ALG12: variants seen among roughly 807,000 people sequenced by gnomAD.
ALG12 encodes the protein ALG12 alpha-1,6-mannosyltransferase.
ALG12 carries 36 observed loss-of-function variants against 46.0 expected under a neutral mutation model. The observed-to-expected ratio is 0.78, with a 90% CI of 0.60 to 1.03. ALG12 has a LOEUF of 1.03. Ranked by LOEUF, ALG12 falls within the 50% of genes least tolerant of loss-of-function variation. The probability of loss-of-function intolerance (pLI) is 0.00; values close to 1 mark genes in which losing one functional copy is unlikely to be tolerated. For missense variants in ALG12, 599 were observed against 633.5 expected (o/e 0.95, Z 0.58); for synonymous variants, 326 against 291.6 (o/e 1.12, Z -1.20).
At chr22:49,893,188 A>G in the ALG12 span, among the ~76,000 whole-genome samples, 382 of 152,346 alleles carry the variant, frequency 2.5e-3, 2 homozygotes, top group Middle Eastern at 6.8e-3. Flanking sequence ...CGCAAGAGAA[A>G]AGACTAGCAC....
the ALG12 span, chr22:49,883,717 A>G: frequency 6.2e-7 from 1 of 1,607,374 alleles, no homozygotes; most frequent in African/African-American, 1.3e-5. Flanking sequence ...CGTTTCTGAT[A>G]AAATAAAGTT....
chr22:49,909,100 C>T (rs2060560500), intron 6 of ALG12, 144 bp downstream of exon 6: 1 of 864,610 alleles, frequency 1.2e-6, no homozygotes, highest in African/African-American at 1.7e-5. Flanking sequence ...TTCCCAGGAG[C>T]AAGTGGGAGG....
At chr22:49,891,738 G>C in the ALG12 span, among the ~76,000 whole-genome samples, 1 of 152,184 alleles carries the variant, frequency 6.6e-6, no homozygotes, top group African/African-American at 2.4e-5. Context: ...ATTCAGGCAT[G>C]TTCTAACAAG....
In ALG12 at chr22:49,906,617, G is replaced by A. The variant is rs1438025040; in HGVS notation, c.992+1104C>T. Among the ~76,000 whole-genome samples the A allele has an allele frequency of 6.6e-6, 1 of 152,172 alleles. No homozygotes were observed. The highest frequency in any genetic ancestry group is 6.5e-5 in the Admixed American group (1 of 15,284). On this transcript the variant is annotated intron_variant, in intron 7 of 9. Coordinates refer to ENST00000330817, the MANE Select transcript of ALG12 (RefSeq NM_024105.4). This position sits in a 1 kb window ranked among gnomAD's most constrained non-coding sequence, Gnocchi z 4.4. Reference sequence around the variant, plus strand: ...TGACCGCTGCCTGAGATCAGGGACCGCATTGTGGGGCTTCCTCTCCAGCCA... The same window carrying A: ...TGACCGCTGCCTGAGATCAGGGACCACATTGTGGGGCTTCCTCTCCAGCCA...
intron 3 of ALG12, among the ~76,000 whole-genome samples, chr22:49,913,156 C>A (rs2060589148): frequency 6.6e-6 from 1 of 152,240 alleles, no homozygotes; most frequent in Admixed American, 6.5e-5. Context: ...TCTCTTGTAC[C>A]TGCCGTCACC....
intron 7 of ALG12, 175 bp from the exon 8 acceptor site, chr22:49,904,681 C>G: frequency 1.5e-6 from 1 of 677,570 alleles, no homozygotes; most frequent in Non-Finnish European, 2.5e-6. Flanking sequence ...GATACTGCCT[C>G]AAGAATTGTC....
In ALG12 at chr22:49,905,584, C is replaced by T. The variant is rs1255881081; in HGVS notation, c.993-1078G>A. The stretch of plus-strand genomic sequence containing the variant: ...GGGTGACACCTCCCCCGTCCCTCTT[C>T]GTCCTGCTTTGGCCACATAAAAGCG... On this transcript the variant is annotated intron_variant, in intron 7 of 9. Transcript: ENST00000330817. This position sits in a 1 kb window ranked among gnomAD's most constrained non-coding sequence, Gnocchi z 4.9. Among the ~76,000 whole-genome samples, 2 of 152,216 alleles carry T rather than the reference C, an allele frequency of 1.3e-5. No individual in the cohort carries two copies. Among genetic ancestry groups the T allele is most frequent in the Admixed American group, 6.5e-5 (1 of 15,280 alleles).
chr22:49,862,574 CG>C, the ALG12 span, among the ~76,000 whole-genome samples: 5 of 152,026 alleles, frequency 3.3e-5, no homozygotes, highest in African/African-American at 1.2e-4. Context: ...AGCCCCTGTG[CG>C]TGCCGCCCCA....
chr22:49,885,208 C>G, the ALG12 span: 2 of 1,613,728 alleles, frequency 1.2e-6, no homozygotes, highest in Non-Finnish European at 1.7e-6. Context: ...GAAGGGCTTC[C>G]TGGGTGCAAG....
chr22:49,883,511 G>T, the ALG12 span: 1 of 1,097,620 alleles, frequency 9.1e-7, no homozygotes, highest in Non-Finnish European at 1.2e-6. Flanking sequence ...CTTTTTTTCA[G>T]TACTATTTAT....
At chr22:49,873,454 G>A in the ALG12 span, among the ~76,000 whole-genome samples, 5 of 152,138 alleles carry the variant, frequency 3.3e-5, no homozygotes, top group African/African-American at 1.2e-4. Flanking sequence ...GGTGGCTCAC[G>A]TTAATTACGA....
rs1437883478 is a variant in ALG12 at position 49,900,929 on chromosome 22, G to A, written c.*2909C>T. 1.3e-5 allele frequency: 2 copies of A among 152,274 alleles called. No individual in the cohort carries two copies. Among genetic ancestry groups the A allele is most frequent in the African/African-American group, 2.4e-5 (1 of 41,456 alleles). 9.4% of individuals were successfully genotyped at this position (152,274 alleles called of 1,614,324 possible). ...TCGTGTCTAGATCCCGGTCTCTAACGCTGTTCCCCACCAAAGGGAGCCAAG... is the reference window on the plus strand; with the variant it reads ...TCGTGTCTAGATCCCGGTCTCTAACACTGTTCCCCACCAAAGGGAGCCAAG... On this transcript the variant is annotated 3_prime_UTR_variant, in exon 10 of 10. Coordinates refer to ENST00000330817, the MANE Select transcript of ALG12 (RefSeq NM_024105.4).
At chr22:49,885,678 A>T in the ALG12 span, 1 of 1,612,440 alleles carries the variant, frequency 6.2e-7, no homozygotes, top group South Asian at 1.1e-5. Flanking sequence ...ACCTCCAGCC[A>T]TATTCTTTTG....
the ALG12 span, among the ~76,000 whole-genome samples, chr22:49,890,812 C>G: frequency 2.0e-5 from 3 of 152,098 alleles, no homozygotes; most frequent in Non-Finnish European, 4.4e-5. Context: ...GTCAGGAAAT[C>G]GAGACCATCC....
the ALG12 span, among the ~76,000 whole-genome samples, chr22:49,860,366 TTA>T: frequency 3.9e-5 from 6 of 152,334 alleles, no homozygotes; most frequent in East Asian, 1.2e-3. Context: ...GATTCTTAAA[TTA>T]TATGTTATTC....
Position 49,907,836 on chromosome 22 carries a change from C to A in ALG12, c.877G>T (p.Val293Leu). The change falls in exon 7 of 10, where the codon GTG becomes TTG. Residue 293 changes from valine to leucine, a missense_variant. Transcript: ENST00000330817. ...AGTGCCATGAAGCCCAGTGCCAGCA[C>A]CGTCGGCGCGTGCGTCCTTCTGTCT... ...LVDRRTHAPTVLALGFMALYS... is the reference protein window; with the variant it reads ...LVDRRTHAPTLLALGFMALYS... The A allele has an allele frequency of 6.2e-7, 1 of 1,614,038 alleles. No homozygotes were observed. The highest frequency in any genetic ancestry group is 8.5e-7 in the Non-Finnish European group (1 of 1,180,002).
the ALG12 span, chr22:49,885,581 CT>C: frequency 6.2e-7 from 1 of 1,604,936 alleles, no homozygotes. Context: ...GGCGCTTCCT[CT>C]TTTGATGACA....
the ALG12 span, chr22:49,886,579 G>A: frequency 7.1e-6 from 11 of 1,555,426 alleles, no homozygotes; most frequent in South Asian, 3.6e-5. The surrounding 1 kb of genome is among the most constrained non-coding windows in gnomAD (Gnocchi z 7.7). Context: ...GATGCTCTTC[G>A]AGGAGACGAT....
At chr22:49,864,857 G>A in the ALG12 span, among the ~76,000 whole-genome samples, 8 of 139,880 alleles carry the variant, frequency 5.7e-5, no homozygotes, top group South Asian at 2.3e-4. Context: ...TTAAACCGTC[G>A]TAGAGCTGAA....
Sources: gnomAD v4.1 joint callset for allele counts (sites outside exome capture counted in the v4.1 genomes callset) on GRCh38, gnomAD v4.1.1 for gene constraint, Gnocchi (gnomAD v3.1) non-coding constraint, MANE v1.5 for transcripts, NCBI Gene and HGNC (gene_info 2026-07-23, HGNC 2026-07-21) for gene names.